EFCAB6: variants seen among roughly 807,000 people sequenced by gnomAD.
The protein encoded by EFCAB6 is EF-hand calcium binding domain 6.
A neutral mutation model predicts 169.8 loss-of-function variants in EFCAB6; 156 were observed. That is an observed-to-expected ratio of 0.92 (90% CI 0.81 to 1.05). The LOEUF is 1.05. EFCAB6 is among the 50% of genes least tolerant of loss of function. The pLI, the probability that EFCAB6 is intolerant of heterozygous loss-of-function variation, is 0.00. For missense variants in EFCAB6, 1,800 were observed against 1,829.1 expected, an observed-to-expected ratio of 0.98 and a Z score of 0.29; for synonymous variants, 698 against 676.4, an observed-to-expected ratio of 1.03 and a Z score of -0.50.
In EFCAB6 at chr22:43,600,230, G is replaced by C. The variant is rs1276667020; in HGVS notation, c.2715C>G (p.Tyr905Ter). 6.2e-7 allele frequency: 1 copy of C among 1,614,118 alleles called. No homozygotes were observed. Residue 905 changes from tyrosine (Y) to a stop codon, truncating the protein, a stop_gained, in exon 23 of 32, where the codon TAC becomes TAG. Coordinates refer to ENST00000262726, the MANE Select transcript of EFCAB6 (RefSeq NM_022785.4). LOFTEE classifies it high-confidence loss of function. ...TACCCAATTTCTGTAAAAATTCCTG[G>C]TAAGTAATGTGCCCTTTTCCCTCGG... ...YDTEGKGHITYQEFLQKLGIN... is the reference protein window; with the variant it reads ...YDTEGKGHIT
intron 17 of EFCAB6, 38 bp from the exon 18 acceptor site, chr22:43,635,254 G>A (rs758039531): frequency 6.1e-6 from 9 of 1,476,416 alleles, no homozygotes; most frequent in Non-Finnish European, 8.5e-6. Context: ...GAGGCGTTAG[G>A]TGGTCCGCGG....
chr22:43,782,900 G>A (rs2061879866), intron 2 of EFCAB6, among the ~76,000 whole-genome samples: 1 of 152,106 alleles, frequency 6.6e-6, no homozygotes, highest in African/African-American at 2.4e-5. Flanking sequence ...CATGCCTTGT[G>A]GCATTTTAAC....
intron 6 of EFCAB6, among the ~76,000 whole-genome samples, chr22:43,743,062 T>C (rs762401753): frequency 6.6e-6 from 1 of 152,138 alleles, no homozygotes; most frequent in Non-Finnish European, 1.5e-5. Context: ...CCATGTCACA[T>C]AGGAGTGAAG....
At chr22:43,708,503 T>A (rs2147345635) in intron 10 of EFCAB6, among the ~76,000 whole-genome samples, 1 of 151,960 alleles carries the variant, frequency 6.6e-6, no homozygotes, top group South Asian at 2.1e-4. Flanking sequence ...GGGGGAAGAA[T>A]CCAAACATAT....
intron 12 of EFCAB6, among the ~76,000 whole-genome samples, 166 bp from the exon 13 acceptor site, chr22:43,678,329 C>CTGTGTGTGTGTGTGTGTG (rs137787): frequency 1.1e-3 from 158 of 144,360 alleles, no homozygotes; most frequent in Admixed American, 1.3e-3. Flanking sequence ...AACATGAGCA[C>CTGTGTGTGTGTGTGTGTG]TGTGTGTGTG....
At chr22:43,608,445 T>A (rs1230364117) in intron 22 of EFCAB6, 37 bp downstream of exon 22, 1 of 1,599,366 alleles carries the variant, frequency 6.3e-7, no homozygotes, top group Non-Finnish European at 8.6e-7. Flanking sequence ...CCCTAGTCCA[T>A]AAGAATGGAA....
intron 10 of EFCAB6, among the ~76,000 whole-genome samples, chr22:43,690,343 CAAAA>C (rs137802): frequency 6.3e-5 from 6 of 95,862 alleles, no homozygotes; most frequent in African/African-American, 1.2e-4. Flanking sequence ...ACTAAAAATA[CAAAA>C]AAAAAAAAAA....
chr22:43,635,023 G>T, intron 18 of EFCAB6, 79 bp downstream of exon 18: 2 of 1,137,440 alleles, frequency 1.8e-6, no homozygotes, highest in Non-Finnish European at 2.7e-6. Flanking sequence ...AACCCGAGTG[G>T]CCTGGTGGCA....
chr22:43,725,851 T>C (rs1366070214), intron 8 of EFCAB6, among the ~76,000 whole-genome samples: 1 of 152,202 alleles, frequency 6.6e-6, no homozygotes, highest in African/African-American at 2.4e-5. Flanking sequence ...TGGTTTTGCC[T>C]CCTAACTGGA....
chr22:43,626,520 T>G lies in EFCAB6; in HGVS notation c.2392A>C (p.Asn798His), dbSNP rs2054535238. 1.9e-6 allele frequency: 3 copies of G among 1,613,958 alleles called. No individual in the cohort carries two copies. The highest frequency in any genetic ancestry group is 2.5e-6 in the Non-Finnish European group (3 of 1,180,022). ...LLGLRLSVTL[N>H]FREFQNLCEK... ...CACAAATTTTGAAATTCCCGAAAAT[T>G]TAAAGTGACACTAAGTCTCAAGCCA... The change falls in exon 20 of 32, where the codon AAT becomes CAT. Residue 798 changes from asparagine (N) to histidine (H), a missense_variant. Physicochemically the swap from Asn to His is moderately conservative, Grantham distance 68 (BLOSUM62 1). Coordinates refer to ENST00000262726, the MANE Select transcript of EFCAB6 (RefSeq NM_022785.4).
In EFCAB6 at chr22:43,618,577, G is replaced by A. The variant is rs114683798; in HGVS notation, c.2466-2655C>T. On this transcript the variant is annotated intron_variant, in intron 20 of 31. Transcript: ENST00000262726. ...GAATGACAAAGTTATGAGTTTCATG[G>A]GGCTTTCCTCCCATGTTCCCAGCTT... 2.2e-3 allele frequency among the ~76,000 whole-genome samples: 341 copies of A among 152,292 alleles called. 1 individual carries two copies. The highest frequency in any genetic ancestry group is 7.7e-3 in the African/African-American group (319 of 41,570).
intron 17 of EFCAB6, among the ~76,000 whole-genome samples, chr22:43,643,125 T>C (rs924206483): frequency 2.6e-5 from 4 of 152,100 alleles, no homozygotes; most frequent in Non-Finnish European, 5.9e-5. Context: ...CGAAAGAGCA[T>C]TTGATTGAGG....
intron 2 of EFCAB6, among the ~76,000 whole-genome samples, chr22:43,808,024 G>A (rs961154709): frequency 1.3e-5 from 2 of 152,160 alleles, no homozygotes; most frequent in Non-Finnish European, 2.9e-5. Flanking sequence ...TTGAAAAAGG[G>A]AGATACAGTT....
At chr22:43,649,011 C>T (rs1270624401) in intron 17 of EFCAB6, among the ~76,000 whole-genome samples, 1 of 152,036 alleles carries the variant, frequency 6.6e-6, no homozygotes, top group African/African-American at 2.4e-5. Context: ...AAGAACCAGG[C>T]TTGAGTTGGT....
At chr22:43,606,446 AAATGT>A (rs141181115) in intron 22 of EFCAB6, among the ~76,000 whole-genome samples, 1,531 of 152,370 alleles carry the variant, frequency 0.01, 26 homozygotes, top group African/African-American at 0.036. Context: ...AGGGTGTGTT[AAATGT>A]ACTGAGTGGT....
intron 25 of EFCAB6, among the ~76,000 whole-genome samples, chr22:43,577,772 G>A (rs1242493598): frequency 6.6e-6 from 1 of 151,970 alleles, no homozygotes; most frequent in African/African-American, 2.4e-5. Context: ...TCAGCTGGCT[G>A]GGCTGCCCCT....
intron 19 of EFCAB6, among the ~76,000 whole-genome samples, chr22:43,631,842 C>T (rs2054969065): frequency 6.6e-6 from 1 of 152,042 alleles, no homozygotes; most frequent in Admixed American, 6.5e-5. Flanking sequence ...CATGCTTCTT[C>T]TCCACCAACA....
intron 17 of EFCAB6, among the ~76,000 whole-genome samples, chr22:43,638,642 T>C (rs2055590026): frequency 6.6e-6 from 1 of 152,230 alleles, no homozygotes; most frequent in African/African-American, 2.4e-5. Context: ...TTGTTTGCTA[T>C]GTCTCTTTGC....
At chr22:43,604,018 C>A (rs546030099) in intron 22 of EFCAB6, among the ~76,000 whole-genome samples, 1 of 152,142 alleles carries the variant, frequency 6.6e-6, no homozygotes, top group Non-Finnish European at 1.5e-5. Context: ...TGGCACCCCC[C>A]ACCACCTTCA....
Sources: gnomAD v4.1 joint callset for allele counts (sites outside exome capture counted in the v4.1 genomes callset) on GRCh38, gnomAD v4.1.1 for gene constraint, MANE v1.5 for transcripts, NCBI Gene and HGNC (gene_info 2026-07-23, HGNC 2026-07-21) for gene names.